Variants in VPS13B observed in about 807,000 individuals in gnomAD.
VPS13B encodes the protein vacuolar protein sorting 13 homolog B.
VPS13B carries 285 observed loss-of-function variants against 426.4 expected under a neutral mutation model. The observed-to-expected ratio is 0.67, with a 90% CI of 0.61 to 0.74. The LOEUF (loss-of-function observed/expected upper bound fraction) is 0.74. Among genes scored for constraint, VPS13B ranks in the 30% least tolerant of loss-of-function variants. VPS13B has a pLI of 0.00. For synonymous variants in VPS13B, 1,676 were observed against 1,676.4 expected (o/e 1.00, Z 0.01); for missense variants, 4,537 against 4,782.6 (o/e 0.95, Z 1.51).
chr8:99,821,426 G>C lies in VPS13B; in HGVS notation c.9127G>C (p.Glu3043Gln). ...TAATGGTGAAGTTGTGACACTGGATGAAGAAGCGTTTGTTGATACTGAAAT... is the reference window on the plus strand; with the variant it reads ...TAATGGTGAAGTTGTGACACTGGATCAAGAAGCGTTTGTTGATACTGAAAT... ...GGNGEVVTLD[E>Q]EAFVDTEIRL... Residue 3043 changes from glutamate (E) to glutamine (Q), a missense_variant, in exon 50 of 62, where the codon GAA becomes CAA. By Grantham distance (29) the Glu-to-Gln change is conservative. Coordinates refer to ENST00000357162, the MANE Select transcript of VPS13B (RefSeq NM_152564.5). The C allele has an allele frequency of 6.2e-7, 1 of 1,613,862 alleles. No homozygotes were observed. Among genetic ancestry groups the C allele is most frequent in the Non-Finnish European group, 8.5e-7 (1 of 1,179,814 alleles).
chr8:99,464,689 T>G (rs1466402607), intron 23 of VPS13B, among the ~76,000 whole-genome samples: 2 of 152,160 alleles, frequency 1.3e-5, no homozygotes, highest in African/African-American at 4.8e-5. Flanking sequence ...AAGTTTAATA[T>G]GTTCCTTTGG....
At chr8:99,096,562 C>G in intron 4 of VPS13B, 130 bp downstream of exon 4, 1 of 1,295,144 alleles carries the variant, frequency 7.7e-7, no homozygotes, top group Non-Finnish European at 1.1e-6. Flanking sequence ...TTGAGACCAG[C>G]CTGGCCAACA....
chr8:99,348,709 A>G (rs1811684730), intron 19 of VPS13B, among the ~76,000 whole-genome samples: 1 of 152,210 alleles, frequency 6.6e-6, no homozygotes, highest in African/African-American at 2.4e-5. Context: ...CATTACTTAT[A>G]AGGAGGAACC....
intron 43 of VPS13B, among the ~76,000 whole-genome samples, chr8:99,797,622 C>T (rs1812919179): frequency 6.6e-6 from 1 of 152,142 alleles, no homozygotes; most frequent in Admixed American, 6.6e-5. Flanking sequence ...TCACACACCC[C>T]TCCCCTTTTC....
intron 16 of VPS13B, 145 bp downstream of exon 16, chr8:99,170,308 A>T (rs1382255789): frequency 1.0e-6 from 1 of 999,976 alleles, no homozygotes; most frequent in African/African-American, 1.6e-5. Flanking sequence ...TTACTGAGAC[A>T]CTAAAAGTCT....
intron 2 of VPS13B, among the ~76,000 whole-genome samples, chr8:99,023,427 T>C (rs1450748627): frequency 6.6e-6 from 1 of 152,126 alleles, no homozygotes; most frequent in South Asian, 2.1e-4. Context: ...AGATTTTTTT[T>C]CTGGCATAAT....
intron 44 of VPS13B, among the ~76,000 whole-genome samples, chr8:99,812,530 C>T (rs1270521287): frequency 6.6e-6 from 1 of 152,172 alleles, no homozygotes; most frequent in East Asian, 1.9e-4. Flanking sequence ...TTGGCTAAAG[C>T]TCTTTTCTTA....
chr8:99,753,692 C>A (rs1011539296), intron 39 of VPS13B, among the ~76,000 whole-genome samples: 8 of 152,010 alleles, frequency 5.3e-5, no homozygotes, highest in African/African-American at 1.7e-4. Context: ...AAAAACCAAC[C>A]CAAACATAGA....
intron 39 of VPS13B, among the ~76,000 whole-genome samples, chr8:99,734,036 C>T (rs1833710590): frequency 1.3e-5 from 2 of 152,150 alleles, no homozygotes; most frequent in Non-Finnish European, 2.9e-5. Context: ...CTTCCCAACC[C>T]CCAGCCCTAA....
At chr8:99,071,876 C>T (rs1212967880) in intron 3 of VPS13B, among the ~76,000 whole-genome samples, 1 of 152,132 alleles carries the variant, frequency 6.6e-6, no homozygotes, top group Non-Finnish European at 1.5e-5. Flanking sequence ...GCAGTGAATA[C>T]TGCATGGCTA....
chr8:99,339,269 G>A (rs1006389276), intron 19 of VPS13B, among the ~76,000 whole-genome samples: 1 of 151,722 alleles, frequency 6.6e-6, no homozygotes, highest in Non-Finnish European at 1.5e-5. Context: ...AACTTATAAA[G>A]AATAGAGGTT....
chr8:99,798,954 T>C (rs1812996410), intron 43 of VPS13B: 1 of 152,236 alleles, frequency 6.6e-6, no homozygotes, highest in Non-Finnish European at 1.5e-5. Context: ...TGATTAAGAA[T>C]GTTATAAAGA....
chr8:99,032,775 C>A (rs536365190), intron 2 of VPS13B, among the ~76,000 whole-genome samples: 1 of 151,542 alleles, frequency 6.6e-6, no homozygotes, highest in Admixed American at 6.6e-5. Context: ...CTCCTGACCT[C>A]GTGATCCACC....
chr8:99,084,356 T>C (rs889809539), intron 3 of VPS13B, among the ~76,000 whole-genome samples: 13 of 152,176 alleles, frequency 8.5e-5, no homozygotes, highest in African/African-American at 3.1e-4. Flanking sequence ...TCTTCTTTAT[T>C]ACTCTTGCTA....
At chr8:99,069,392 C>A (rs921140929) in intron 3 of VPS13B, among the ~76,000 whole-genome samples, 4 of 152,168 alleles carry the variant, frequency 2.6e-5, no homozygotes, top group East Asian at 1.9e-4. Context: ...TGTGATCACA[C>A]CACTGCCAGC....
chr8:99,821,567 A>T (rs1814369852), intron 50 of VPS13B, 85 bp downstream of exon 50: 1 of 1,498,318 alleles, frequency 6.7e-7, no homozygotes. Flanking sequence ...TTTCTTTTTG[A>T]TACCTTTTTC....
rs893515317 is a variant in VPS13B, at chr8:99,285,724, A to G, written c.2824+10470A>G. On this transcript the variant is annotated intron_variant, in intron 19 of 61. Coordinates refer to ENST00000357162, the MANE Select transcript of VPS13B (RefSeq NM_152564.5). ...AAGTTGGCTGTATAGTAGCTTTCAT[A>G]TAGGCCAAAAGAGGAGTTGCTTTAT... is the stretch of plus-strand genomic sequence containing the variant. Among the ~76,000 whole-genome samples the G allele has an allele frequency of 3.3e-5, 5 of 152,294 alleles. No homozygotes were observed. In the East Asian group the frequency reaches 9.6e-4, roughly 29 times the overall value.
At chr8:99,184,150 C>T (rs1813089441) in intron 16 of VPS13B, among the ~76,000 whole-genome samples, 1 of 152,098 alleles carries the variant, frequency 6.6e-6, no homozygotes, top group Admixed American at 6.5e-5. Context: ...GTGTTGCTTA[C>T]ACTTTTAAGG....
At chr8:99,576,375 C>G (rs1298415681) in intron 32 of VPS13B, among the ~76,000 whole-genome samples, 3 of 150,158 alleles carry the variant, frequency 2.0e-5, no homozygotes, top group Non-Finnish European at 4.4e-5. Flanking sequence ...GTTACGGTGA[C>G]TATTTTTTTT....
Sources: gnomAD v4.1 joint callset for allele counts (sites outside exome capture counted in the v4.1 genomes callset) on GRCh38, gnomAD v4.1.1 for gene constraint, MANE v1.5 for transcripts, NCBI Gene and HGNC (gene_info 2026-07-23, HGNC 2026-07-21) for gene names.